The following THSD4 variants were observed in gnomAD, a reference collection of about 807,000 sequenced individuals.
THSD4 encodes the protein thrombospondin type 1 domain containing 4, also known as thrombospondin type-1 domain-containing protein 4.
A neutral mutation model predicts 119.0 loss-of-function variants in THSD4; 69 were observed. The observed-to-expected ratio is 0.58, with a 90% CI of 0.48 to 0.71. The LOEUF (loss-of-function observed/expected upper bound fraction) is 0.71, where lower values mean the gene tolerates loss of function less well. Ranked by LOEUF, THSD4 falls within the 30% of genes least tolerant of loss-of-function variation. THSD4 has a pLI of 0.00. For synonymous variants in THSD4, 524 were observed against 540.4 expected (o/e 0.97, Z 0.42); for missense variants, 1,393 against 1,391.1 (o/e 1.00, Z -0.02).
intron 3 of THSD4, among the ~76,000 whole-genome samples, chr15:71,191,820 T>C (rs1278191757): frequency 1.3e-5 from 2 of 152,006 alleles, no homozygotes; most frequent in Non-Finnish European, 2.9e-5. Flanking sequence ...CTTTTCCTCC[T>C]CTATATTTTT....
At chr15:71,463,532 T>C (rs1050666072) in intron 7 of THSD4, among the ~76,000 whole-genome samples, 3 of 152,230 alleles carry the variant, frequency 2.0e-5, no homozygotes, top group Non-Finnish European at 4.4e-5. Flanking sequence ...CTCTGACATT[T>C]ACAGTTGTCA....
At chr15:71,137,302 A>G (rs766260419) in intron 1 of THSD4, among the ~76,000 whole-genome samples, 1 of 152,082 alleles carries the variant, frequency 6.6e-6, no homozygotes, top group Admixed American at 6.5e-5. Context: ...TACAACCTAC[A>G]ATGGCTCTTT....
In THSD4 at chr15:71,444,409, G is replaced by C. The variant is rs1178060705; in HGVS notation, c.1152+32586G>C. 3.9e-5 allele frequency among the ~76,000 whole-genome samples: 6 copies of C among 152,316 alleles called. No homozygotes were observed. In the East Asian group the frequency reaches 7.7e-4, roughly 20 times the overall value. On this transcript the variant is annotated intron_variant, in intron 7 of 17. Transcript: ENST00000261862. ...CTCTTCTACAGCCACTGGTGTCATT[G>C]TTAATCTTGTCCAGTCACATGTCAA... is the stretch of plus-strand genomic sequence containing the variant.
intron 7 of THSD4, among the ~76,000 whole-genome samples, chr15:71,658,152 G>A (rs2051227398): frequency 6.6e-6 from 1 of 152,160 alleles, no homozygotes; most frequent in African/African-American, 2.4e-5. Context: ...GCAAGTCTGA[G>A]CATGGCTCTC....
chr15:71,291,975 C>T (rs2044798276), intron 6 of THSD4, among the ~76,000 whole-genome samples: 1 of 152,204 alleles, frequency 6.6e-6, no homozygotes, highest in South Asian at 2.1e-4. Context: ...ACTGAAAGCA[C>T]ATCCTCTAAT....
intron 3 of THSD4, among the ~76,000 whole-genome samples, chr15:71,214,478 A>G (rs570584396): frequency 6.6e-6 from 1 of 152,332 alleles, no homozygotes; most frequent in East Asian, 1.9e-4. Flanking sequence ...AAACTCCGTG[A>G]CACCACCTTT....
chr15:71,776,104 A>C (rs1049129206), intron 17 of THSD4, among the ~76,000 whole-genome samples: 3 of 152,268 alleles, frequency 2.0e-5, no homozygotes, highest in Non-Finnish European at 4.4e-5. Context: ...AGAATGTGAA[A>C]AGAACATTTT....
At chr15:71,113,189 AAAAT>A (rs1400670239), upstream of THSD4, among the ~76,000 whole-genome samples, 4 of 152,272 alleles carry the variant, frequency 2.6e-5, no homozygotes, top group South Asian at 2.1e-4. Flanking sequence ...ACACTCTCTC[AAAAT>A]AAATAAACAA....
chr15:71,602,244 T>G (rs1180334194), intron 7 of THSD4, among the ~76,000 whole-genome samples: 1 of 152,132 alleles, frequency 6.6e-6, no homozygotes, highest in South Asian at 2.1e-4. Context: ...TGCTAAATTA[T>G]GATGTAGACA....
Position 71,504,715 on chromosome 15 carries a change from A to G in THSD4, c.1152+92892A>G, listed in dbSNP as rs551390355. ...GTGTCCCCTAGTGTTAACGTCTTGT[A>G]TTACTAGGGTACATTTATGAAAATT... On this transcript the variant is annotated intron_variant, in intron 7 of 17. Coordinates refer to ENST00000261862, the MANE Select transcript of THSD4 (RefSeq NM_024817.3). Among the ~76,000 whole-genome samples the G allele has an allele frequency of 3.8e-4, 58 of 152,320 alleles. No homozygotes were observed. In the South Asian group the frequency reaches 0.011, roughly 30 times the overall value.
At chr15:71,602,581 TG>T (rs2050034358) in intron 7 of THSD4, among the ~76,000 whole-genome samples, 2 of 89,482 alleles carry the variant, frequency 2.2e-5, no homozygotes, top group South Asian at 3.5e-4. Flanking sequence ...AAAAAAAAAA[TG>T]AAAAAGAAAA....
chr15:71,139,542 A>G (rs550957606), intron 1 of THSD4, among the ~76,000 whole-genome samples: 1 of 152,298 alleles, frequency 6.6e-6, no homozygotes, highest in Non-Finnish European at 1.5e-5. Context: ...GAGAGCCAAG[A>G]ATTTAAGGGT....
intron 7 of THSD4, among the ~76,000 whole-genome samples, chr15:71,563,343 G>A (rs957354049): frequency 6.6e-6 from 1 of 152,128 alleles, no homozygotes; most frequent in African/African-American, 2.4e-5. Flanking sequence ...TTAGTACCCT[G>A]AAGGCCGCTT....
intron 7 of THSD4, among the ~76,000 whole-genome samples, chr15:71,528,989 T>C (rs1436783363): frequency 1.3e-5 from 2 of 152,240 alleles, no homozygotes; most frequent in African/African-American, 4.8e-5. Flanking sequence ...TGAGTCTCTT[T>C]CCTCCTGGGT....
At chr15:71,628,878 T>G (rs2140940448) in intron 7 of THSD4, among the ~76,000 whole-genome samples, 1 of 152,300 alleles carries the variant, frequency 6.6e-6, no homozygotes, top group East Asian at 1.9e-4. Context: ...ACAGGCAGAA[T>G]GAGGCTGGCA....
At chr15:71,539,835 G>C (rs1290485256) in intron 7 of THSD4, among the ~76,000 whole-genome samples, 1 of 152,166 alleles carries the variant, frequency 6.6e-6, no homozygotes, top group African/African-American at 2.4e-5. Context: ...TCTGTGTGCT[G>C]ACTCTTGGGG....
At chr15:71,424,756 C>T (rs1200656147) in intron 7 of THSD4, among the ~76,000 whole-genome samples, 1 of 152,162 alleles carries the variant, frequency 6.6e-6, no homozygotes, top group African/African-American at 2.4e-5. Flanking sequence ...TACTTGATCT[C>T]AGCTTTAAAC....
chr15:71,264,212 G>A lies in THSD4; in HGVS notation c.1015+7497G>A, dbSNP rs13380347. On this transcript the variant is annotated intron_variant, in intron 6 of 17. Transcript: ENST00000261862. ...TGGTGGACCTGGAATTAGAGTGTTC[G>A]TGTTTTACTGAAGCGGCTTTATTCA... Among the ~76,000 whole-genome samples the A allele has an allele frequency of 6.4e-3, 982 of 152,366 alleles. 20 individuals are homozygous for A. The highest frequency in any genetic ancestry group is 0.021 in the African/African-American group (872 of 41,586).
intron 6 of THSD4, among the ~76,000 whole-genome samples, chr15:71,276,516 G>C (rs1385010027): frequency 6.6e-6 from 1 of 152,198 alleles, no homozygotes; most frequent in Non-Finnish European, 1.5e-5. Context: ...GGATTGATTA[G>C]TGATGCCTTG....
Sources: gnomAD v4.1 joint callset for allele counts (sites outside exome capture counted in the v4.1 genomes callset) on GRCh38, gnomAD v4.1.1 for gene constraint, MANE v1.5 for transcripts, NCBI Gene and HGNC (gene_info 2026-07-23, HGNC 2026-07-21) for gene names.